The following KLF12 variants were observed in gnomAD, a reference collection of about 807,000 sequenced individuals.
KLF12 encodes the protein Krueppel-like factor 12.
KLF12 carries 9 observed loss-of-function variants against 37.8 expected under a neutral mutation model. The observed-to-expected ratio is 0.24, with a 90% CI of 0.14 to 0.42. The LOEUF (loss-of-function observed/expected upper bound fraction) is 0.42, where lower values mean the gene tolerates loss of function less well. KLF12 is among the 10% of genes least tolerant of loss of function. The probability of loss-of-function intolerance (pLI) is 1.00; values close to 1 mark genes in which losing one functional copy is unlikely to be tolerated. For synonymous variants in KLF12, 208 were observed against 202.1 expected, an observed-to-expected ratio of 1.03 and a Z score of -0.25; for missense variants, 411 against 516.0, an observed-to-expected ratio of 0.80 and a Z score of 1.97.
chr13:74,248,787 G>A, the KLF12 span, among the ~76,000 whole-genome samples: 1 of 152,098 alleles, frequency 6.6e-6, no homozygotes, highest in South Asian at 2.1e-4. Flanking sequence ...AACTGGGATT[G>A]GAGTTTTACC....
At chr13:74,056,474 C>T (rs953558976) in intron 1 of KLF12, among the ~76,000 whole-genome samples, 1 of 152,154 alleles carries the variant, frequency 6.6e-6, no homozygotes, top group Non-Finnish European at 1.5e-5. Context: ...TCAACTGACA[C>T]GGCACTAGGT....
At chr13:73,806,116 C>CT (rs372137417) in intron 5 of KLF12, among the ~76,000 whole-genome samples, 77,230 of 139,042 alleles carry the variant, frequency 0.56, 21,424 homozygotes, top group South Asian at 0.62. Context: ...TTTTTTCTTT[C>CT]TTTTTTTTTT....
upstream of KLF12, among the ~76,000 whole-genome samples, chr13:74,138,083 A>G (rs890519142): frequency 1.3e-5 from 2 of 152,238 alleles, no homozygotes; most frequent in Non-Finnish European, 2.9e-5. Context: ...TATTAAGAGC[A>G]TTACTTATAC....
the KLF12 span, among the ~76,000 whole-genome samples, chr13:74,263,823 C>T: frequency 1.3e-5 from 2 of 152,218 alleles, no homozygotes; most frequent in African/African-American, 4.8e-5. Context: ...CATGATACTC[C>T]ATGGATTCTT....
intron 1 of KLF12, among the ~76,000 whole-genome samples, chr13:74,095,957 T>C (rs191157899): frequency 3.3e-5 from 5 of 152,244 alleles, no homozygotes; most frequent in African/African-American, 9.6e-5. Flanking sequence ...TCTCACCCCT[T>C]TGTAGAATCG....
At chr13:73,885,059 T>C (rs906221784) in intron 3 of KLF12, among the ~76,000 whole-genome samples, 1 of 152,232 alleles carries the variant, frequency 6.6e-6, no homozygotes, top group African/African-American at 2.4e-5. Flanking sequence ...CTGTACTCTC[T>C]ACTCTAATTA....
intron 6 of KLF12, among the ~76,000 whole-genome samples, chr13:73,760,852 A>C (rs1171655128): frequency 6.6e-6 from 1 of 152,178 alleles, no homozygotes; most frequent in African/African-American, 2.4e-5. Flanking sequence ...GAAAAAAGAA[A>C]GTGAAAATCT....
In KLF12 at chr13:73,873,920, T is replaced by C. The variant is rs996013972; in HGVS notation, c.124-27547A>G. Among the ~76,000 whole-genome samples the C allele has an allele frequency of 1.2e-4, 19 of 152,166 alleles. No individual in the cohort carries two copies. The East Asian group carries it at 2.5e-3, about 20-fold the overall frequency. ...ATTTACAATTTAAATAGTAAACATA[T>C]GGCACTACTCAAAAAAAAACATTGA... On this transcript the variant is annotated intron_variant, in intron 3 of 7. Coordinates refer to ENST00000377669, the MANE Select transcript of KLF12 (RefSeq NM_007249.5).
At chr13:73,716,982 A>T (rs11841443) in intron 6 of KLF12, among the ~76,000 whole-genome samples, 23,892 of 152,168 alleles carry the variant, frequency 0.16, 2,907 homozygotes, top group African/African-American at 0.34. Context: ...TTACAATTGA[A>T]GACATTTTAA....
chr13:74,211,372 A>G, the KLF12 span, among the ~76,000 whole-genome samples: 2 of 152,110 alleles, frequency 1.3e-5, no homozygotes, highest in African/African-American at 4.8e-5. Context: ...GAGTTAGGGA[A>G]AGCATTTTAG....
intron 5 of KLF12, among the ~76,000 whole-genome samples, chr13:73,767,229 C>T (rs1401740214): frequency 6.6e-6 from 1 of 152,146 alleles, no homozygotes; most frequent in Non-Finnish European, 1.5e-5. Context: ...TTGCCATCTT[C>T]TGCCTTCTTT....
intron 3 of KLF12, among the ~76,000 whole-genome samples, chr13:73,900,522 A>G (rs958676097): frequency 1.3e-5 from 2 of 152,144 alleles, no homozygotes; most frequent in African/African-American, 4.8e-5. Flanking sequence ...TCAGGACTCT[A>G]CATATTATGG....
chr13:74,262,584 A>G, the KLF12 span, among the ~76,000 whole-genome samples: 10 of 152,326 alleles, frequency 6.6e-5, no homozygotes, highest in African/African-American at 2.4e-4. Flanking sequence ...TGTAAATGCT[A>G]TGTAAACAAT....
At chr13:74,260,419 G>T in the KLF12 span, among the ~76,000 whole-genome samples, 1 of 151,814 alleles carries the variant, frequency 6.6e-6, no homozygotes, top group Non-Finnish European at 1.5e-5. Flanking sequence ...AGCTGGGTGT[G>T]GTGGTGCACC....
chr13:74,202,517 TA>T, the KLF12 span, among the ~76,000 whole-genome samples: 1 of 152,128 alleles, frequency 6.6e-6, no homozygotes, highest in South Asian at 2.1e-4. Flanking sequence ...CTAATTTTCT[TA>T]GTAAAAAATG....
intron 2 of KLF12, among the ~76,000 whole-genome samples, chr13:73,955,668 GA>G (rs1216571212): frequency 6.6e-6 from 1 of 152,122 alleles, no homozygotes; most frequent in Non-Finnish European, 1.5e-5. Flanking sequence ...TGATTATCCA[GA>G]AATATACTGT....
chr13:73,823,404 G>C (rs1457018300), intron 4 of KLF12, among the ~76,000 whole-genome samples: 2 of 152,152 alleles, frequency 1.3e-5, no homozygotes, highest in Non-Finnish European at 2.9e-5. Flanking sequence ...AAGTTGAAAA[G>C]TTAAAAAAGC....
At chr13:74,256,688 T>TTGTGTGTG in the KLF12 span, among the ~76,000 whole-genome samples, 4,743 of 147,842 alleles carry the variant, frequency 0.032, 134 homozygotes, top group East Asian at 0.11. Context: ...TGAGTAGAGC[T>TTGTGTGTG]TGTGTGTGTG....
Position 74,115,278 on chromosome 13 carries a change from T to C in KLF12, c.-32+18461A>G, listed in dbSNP as rs115431732. Among the ~76,000 whole-genome samples the C allele has an allele frequency of 3.5e-3, 528 of 152,292 alleles. 1 individual carries two copies. Among genetic ancestry groups the C allele is most frequent in the African/African-American group, 0.012 (501 of 41,554 alleles). ...AACATTTCACATAATACATTGCCCA[T>C]AGTGAGCTGATTAATTTCCTGTGGC... is the stretch of plus-strand genomic sequence containing the variant. On this transcript the variant is annotated intron_variant, in intron 1 of 7. Transcript: ENST00000377669.
Sources: allele counts gnomAD v4.1 joint callset (sites outside exome capture counted in the v4.1 genomes callset), GRCh38; gene constraint gnomAD v4.1.1; transcripts MANE v1.5; gene names NCBI Gene and HGNC (gene_info 2026-07-23, HGNC 2026-07-21).